Variants in HPSE2 observed in about 807,000 individuals in gnomAD.
The protein encoded by HPSE2 is heparanase 2 (inactive).
HPSE2 carries 38 observed loss-of-function variants against 60.5 expected under a neutral mutation model. The ratio of observed to expected loss-of-function variants is 0.63; its 90% CI spans 0.48 to 0.82. The LOEUF (loss-of-function observed/expected upper bound fraction) is 0.82. Among genes scored for constraint, HPSE2 ranks in the 40% least tolerant of loss-of-function variants. The pLI is 0.00. For synonymous variants in HPSE2, 295 were observed against 293.2 expected (o/e 1.01, Z -0.06); for missense variants, 713 against 740.4 (o/e 0.96, Z 0.43).
At chr10:99,259,011 G>C in the HPSE2 span, among the ~76,000 whole-genome samples, 1 of 152,116 alleles carries the variant, frequency 6.6e-6, no homozygotes, top group African/African-American at 2.4e-5. Context: ...TGTAATAAAA[G>C]ACTTTGTGAA....
intron 3 of HPSE2, among the ~76,000 whole-genome samples, chr10:98,837,492 AGG>A (rs1951815779): frequency 6.6e-6 from 1 of 152,246 alleles, no homozygotes; most frequent in Admixed American, 6.5e-5. Context: ...TTCTATGTAT[AGG>A]AAACAAAGAT....
chr10:98,964,849 A>G (rs1164572853), intron 3 of HPSE2, among the ~76,000 whole-genome samples: 1 of 152,102 alleles, frequency 6.6e-6, no homozygotes, highest in Non-Finnish European at 1.5e-5. Flanking sequence ...ATTTTCCCCC[A>G]AATCAATGCC....
chr10:98,504,453 A>G (rs1942128838), intron 9 of HPSE2, among the ~76,000 whole-genome samples: 1 of 152,102 alleles, frequency 6.6e-6, no homozygotes, highest in East Asian at 1.9e-4. Flanking sequence ...CTTACATGAT[A>G]GTTCTGAAGC....
intron 3 of HPSE2, among the ~76,000 whole-genome samples, chr10:99,105,181 T>A (rs1165009359): frequency 6.6e-6 from 1 of 152,126 alleles, no homozygotes; most frequent in East Asian, 1.9e-4. Context: ...TATGTCTAAC[T>A]AAACCCTATT....
At chr10:98,996,789 A>C (rs1438191706) in intron 3 of HPSE2, among the ~76,000 whole-genome samples, 2 of 152,204 alleles carry the variant, frequency 1.3e-5, no homozygotes, top group East Asian at 3.9e-4. Flanking sequence ...ACATGATTCT[A>C]TATATATGAA....
intron 3 of HPSE2, among the ~76,000 whole-genome samples, chr10:98,941,146 G>A (rs550744330): frequency 7.1e-6 from 1 of 141,644 alleles, no homozygotes; most frequent in East Asian, 2.0e-4. Context: ...GGCAAAAACT[G>A]GAAGCAATCC....
At chr10:99,112,565 AG>A (rs1844512660) in intron 3 of HPSE2, among the ~76,000 whole-genome samples, 1 of 152,264 alleles carries the variant, frequency 6.6e-6, no homozygotes, top group East Asian at 1.9e-4. Context: ...CTGGGATTAC[AG>A]GCGTGAGCCA....
chr10:99,153,218 A>T (rs1846359855), intron 2 of HPSE2, among the ~76,000 whole-genome samples: 1 of 152,206 alleles, frequency 6.6e-6, no homozygotes, highest in Non-Finnish European at 1.5e-5. Flanking sequence ...TAAACAAAGC[A>T]GCCTGGAAGC....
chr10:98,646,701 T>A (rs1004927167), intron 6 of HPSE2, among the ~76,000 whole-genome samples: 4 of 152,168 alleles, frequency 2.6e-5, no homozygotes, highest in Non-Finnish European at 5.9e-5. Context: ...ATTCACCAAC[T>A]CTCCTGTCCC....
At chr10:98,983,823 A>G (rs1956267244) in intron 3 of HPSE2, among the ~76,000 whole-genome samples, 1 of 152,208 alleles carries the variant, frequency 6.6e-6, no homozygotes. Context: ...CAGTCTTAGC[A>G]AATGGCACAC....
chr10:99,130,230 A>G (rs7100678), intron 3 of HPSE2, among the ~76,000 whole-genome samples: 1 of 152,134 alleles, frequency 6.6e-6, no homozygotes, highest in Non-Finnish European at 1.5e-5. Flanking sequence ...TCCTACTGAC[A>G]CTATTCCACA....
chr10:98,508,406 C>T (rs1356705759), intron 9 of HPSE2, among the ~76,000 whole-genome samples: 2 of 152,120 alleles, frequency 1.3e-5, no homozygotes, highest in Non-Finnish European at 2.9e-5. Context: ...TATGTGTTCC[C>T]CGAGGTCTAA....
At chr10:99,258,797 C>T in the HPSE2 span, among the ~76,000 whole-genome samples, 1 of 152,146 alleles carries the variant, frequency 6.6e-6, no homozygotes, top group Non-Finnish European at 1.5e-5. Context: ...ACAAATGCTG[C>T]TGAAACAAGT....
chr10:98,959,947 TC>T (rs1327549158), intron 3 of HPSE2, among the ~76,000 whole-genome samples: 1 of 151,978 alleles, frequency 6.6e-6, no homozygotes, highest in African/African-American at 2.4e-5. Flanking sequence ...CAAAGTTTTT[TC>T]CCCCCACAGG....
At chr10:98,921,852 C>CTA (rs1244386815) in intron 3 of HPSE2, among the ~76,000 whole-genome samples, 1 of 152,092 alleles carries the variant, frequency 6.6e-6, no homozygotes, top group Non-Finnish European at 1.5e-5. Flanking sequence ...TCTTGTTTCT[C>CTA]TTTTAAAGTA....
chr10:99,299,149 T>G, the HPSE2 span, among the ~76,000 whole-genome samples: 3 of 151,976 alleles, frequency 2.0e-5, no homozygotes, highest in Admixed American at 6.6e-5. Flanking sequence ...CCCCCTCCCC[T>G]AGTTCTGAGA....
At chr10:98,745,876 T>C (rs2134335978) in intron 3 of HPSE2, among the ~76,000 whole-genome samples, 2 of 152,298 alleles carry the variant, frequency 1.3e-5, no homozygotes, top group South Asian at 4.1e-4. Flanking sequence ...CAAGAGATGA[T>C]GCAGAGTGTC....
chr10:98,470,164 T>C (rs1279104815), intron 11 of HPSE2, among the ~76,000 whole-genome samples: 2 of 152,016 alleles, frequency 1.3e-5, no homozygotes, highest in African/African-American at 4.8e-5. Flanking sequence ...ACATAACATG[T>C]TTAGTTATGT....
chr10:98,621,509 T>C (rs978524746), intron 7 of HPSE2, among the ~76,000 whole-genome samples: 1 of 152,142 alleles, frequency 6.6e-6, no homozygotes, highest in Admixed American at 6.5e-5. Context: ...TTATAGGTAG[T>C]TCACTCAAGA....
Sources: allele counts gnomAD v4.1 joint callset (sites outside exome capture counted in the v4.1 genomes callset), GRCh38; gene constraint gnomAD v4.1.1; transcripts MANE v1.5; gene names NCBI Gene and HGNC (gene_info 2026-07-23, HGNC 2026-07-21).